POLQ: variants seen among roughly 807,000 people sequenced by gnomAD.
POLQ encodes the protein epididymis secretory sperm binding protein.
A neutral mutation model predicts 259.2 loss-of-function variants in POLQ; 233 were observed. The ratio of observed to expected loss-of-function variants is 0.90; its 90% CI spans 0.81 to 1.00. POLQ has a LOEUF of 1.00. POLQ is among the 50% of genes least tolerant of loss of function. POLQ has a pLI of 0.00. For missense variants in POLQ, 2,871 were observed against 3,051.6 expected (o/e 0.94, Z 1.39); for synonymous variants, 1,025 against 1,048.8 (o/e 0.98, Z 0.44).
At chr3:121,438,650 C>T (rs1028148641) in intron 27 of POLQ, among the ~76,000 whole-genome samples, 1 of 152,180 alleles carries the variant, frequency 6.6e-6, no homozygotes, top group Admixed American at 6.5e-5. Context: ...TAAACTTTAG[C>T]CTTCAAGAAT....
At position 121,543,302 on chromosome 3, in the gene POLQ, TG is replaced by T. The variant is rs543833146; in HGVS notation, c.343+1424del. Among the ~76,000 whole-genome samples the T allele has an allele frequency of 3.0e-3, 463 of 152,358 alleles. 4 individuals are homozygous for T. Among genetic ancestry groups the T allele is most frequent in the Non-Finnish European group, 2.2e-3 (148 of 68,036 alleles). ...TAGCATTTACAAGTATTTTATTTTT[TG>T]TAATGCCTTTTCACAATACAAGTAC... On this transcript the variant is annotated intron_variant, in intron 2 of 29. Coordinates refer to ENST00000264233, the MANE Select transcript of POLQ (RefSeq NM_199420.4).
intron 25 of POLQ, among the ~76,000 whole-genome samples, chr3:121,456,583 C>A (rs1194692026): frequency 2.6e-5 from 4 of 151,900 alleles, no homozygotes; most frequent in East Asian, 3.9e-4. Context: ...TTCTTATACA[C>A]CAATAACAGA....
At chr3:121,469,894 A>G (rs924197593) in intron 22 of POLQ, among the ~76,000 whole-genome samples, 4 of 152,228 alleles carry the variant, frequency 2.6e-5, no homozygotes, top group South Asian at 2.1e-4. Context: ...TCAGTAATAA[A>G]ATCAAAAGAA....
intron 6 of POLQ, among the ~76,000 whole-genome samples, chr3:121,532,114 T>C (rs1265653274): frequency 6.6e-6 from 1 of 152,186 alleles, no homozygotes; most frequent in Non-Finnish European, 1.5e-5. Context: ...CCAGATAATT[T>C]TTAAAAATCA....
rs1220232250 is a variant in POLQ, at chr3:121,512,016, T to C, written c.1482A>G (p.Leu494=). Residue 494 remains leucine (L), a synonymous_variant, in exon 10 of 30, where the codon TTA becomes TTG. Transcript: ENST00000264233. ...KGVDTVGESI[L]ICKNSEKSKG... ...TTGATTTCTCAGAGTTCTTACAAAT[T>C]AAGATACTCTCGCCTATAACCAAAA... 1 of 1,613,052 alleles carries C rather than the reference T, an allele frequency of 6.2e-7. No homozygotes were observed. The highest frequency in any genetic ancestry group is 8.5e-7 in the Non-Finnish European group (1 of 1,179,436).
chr3:121,485,426 G>A lies in POLQ; in HGVS notation c.5630-242C>T, dbSNP rs139699802. 6.4e-4 allele frequency among the ~76,000 whole-genome samples: 98 copies of A among 152,180 alleles called. No homozygotes were observed. The East Asian group carries it at 0.012, about 18-fold the overall frequency. On this transcript the variant is annotated intron_variant, in intron 16 of 29. Transcript: ENST00000264233. ...TTAAAATAAATCTATAATGATTAAC[G>A]TCAAGAAAGGGAGGCTGCATTTCAA...
In POLQ at chr3:121,489,078, A is replaced by T; in HGVS notation, c.3853T>A (p.Phe1285Ile). The T allele has an allele frequency of 6.2e-7, 1 of 1,613,606 alleles. No individual in the cohort carries two copies. The highest frequency in any genetic ancestry group is 8.5e-7 in the Non-Finnish European group (1 of 1,179,598). ...TCTTGTAGTCTAGAAATATTTAGAA[A>T]ATTCTCATGCTGGCCTTCTGATTTG... ...FSKSEGQHENFLNISRLQEKT... is the reference protein window; with the variant it reads ...FSKSEGQHENILNISRLQEKT... Residue 1285 changes from phenylalanine (F) to isoleucine (I), a missense_variant, in exon 16 of 30, where the codon TTT (phenylalanine) becomes ATT (isoleucine). Around this residue, in one of 3 missense-constraint regions of POLQ, gnomAD observed 2,080 missense variants for 2,126.0 expected, o/e 0.98. Transcript: ENST00000264233.
At position 121,537,116 on chromosome 3, in the gene POLQ, G is replaced by A. The variant is rs745345608; in HGVS notation, c.724C>T (p.Arg242Trp). The change falls in exon 5 of 30, where the codon CGG becomes TGG. Residue 242 changes from arginine (R) to tryptophan (W), a missense_variant. Transcript: ENST00000264233. ...CGTACTTACCAAGATGCTGATTTCC[G>A]AGTAATATAGCAAATCTTGGTCAGC... Reference protein sequence around the residue: ...LLLTKICYITRKSASCQADLA... With the variant: ...LLLTKICYITWKSASCQADLA... 1.6e-5 allele frequency: 24 copies of A among 1,543,530 alleles called. No individual in the cohort carries two copies. Among genetic ancestry groups the A allele is most frequent in the South Asian group, 4.5e-5 (4 of 89,502 alleles).
chr3:121,494,258 C>T, intron 14 of POLQ: 2 of 1,591,670 alleles, frequency 1.3e-6, no homozygotes, highest in Non-Finnish European at 1.7e-6. Flanking sequence ...CAAAAGAGAC[C>T]TCACCCGCTT....
chr3:121,537,923 G>A (rs776080390), intron 4 of POLQ, among the ~76,000 whole-genome samples: 8 of 152,160 alleles, frequency 5.3e-5, no homozygotes, highest in Non-Finnish European at 7.4e-5. Flanking sequence ...TCCTTATAAT[G>A]GGCAATTCTT....
intron 25 of POLQ, among the ~76,000 whole-genome samples, chr3:121,452,519 C>T (rs1335650951): frequency 2.2e-5 from 3 of 135,128 alleles, no homozygotes; most frequent in African/African-American, 8.4e-5. Context: ...ACTCATGTTG[C>T]TTAGTGCTGT....
intron 26 of POLQ, among the ~76,000 whole-genome samples, chr3:121,442,356 T>C (rs967908057): frequency 5.9e-5 from 9 of 152,208 alleles, no homozygotes; most frequent in African/African-American, 1.7e-4. Context: ...TTATTAACTA[T>C]AGTCACCCTG....
At position 121,436,216 on chromosome 3, in the gene POLQ, T is replaced by G. The variant is rs1349027084; in HGVS notation, c.7449A>C (p.Ile2483=). The change falls in exon 28 of 30, where the codon ATA becomes ATC. Residue 2483 remains isoleucine, a synonymous_variant. Transcript: ENST00000264233. ...ATTGCTTCTGAATGTTAACTGTGGCTATTTTGACAATATCAGCTGCTGATC... is the reference window on the plus strand; with the variant it reads ...ATTGCTTCTGAATGTTAACTGTGGCGATTTTGACAATATCAGCTGCTGATC... ...VQGSAADIVK[I]ATVNIQKQLE... 1 of 1,613,818 alleles carries G rather than the reference T, an allele frequency of 6.2e-7. No individual in the cohort carries two copies. The highest frequency in any genetic ancestry group is 1.7e-5 in the Admixed American group (1 of 60,008).
intron 19 of POLQ, among the ~76,000 whole-genome samples, chr3:121,479,202 A>ATCTAGCATGATATCTAGCATG (rs2047951527): frequency 6.6e-6 from 1 of 152,136 alleles, no homozygotes; most frequent in Non-Finnish European, 1.5e-5. Flanking sequence ...GAAATCTAAA[A>ATCTAGCATGATATCTAGCATG]ATATCTAGCA....
chr3:121,537,116 G>T lies in POLQ; in HGVS notation c.724C>A (p.Arg242=). 2 of 1,543,646 alleles carry T rather than the reference G, an allele frequency of 1.3e-6. No individual in the cohort carries two copies. The highest frequency in any genetic ancestry group is 1.8e-6 in the Non-Finnish European group (2 of 1,116,120). Residue 242 remains arginine, a synonymous_variant, in exon 5 of 30, where the codon CGG becomes AGG. Transcript: ENST00000264233. ...LLLTKICYIT[R]KSASCQADLA... The stretch of plus-strand genomic sequence containing the variant: ...CGTACTTACCAAGATGCTGATTTCC[G>T]AGTAATATAGCAAATCTTGGTCAGC...
At chr3:121,537,262 A>AT in intron 4 of POLQ, 54 bp from the exon 5 acceptor site, 1 of 966,910 alleles carries the variant, frequency 1.0e-6, no homozygotes, top group African/African-American at 1.6e-5. Context: ...TCCATGAAGA[A>AT]TTTTTTTCCA....
At chr3:121,511,861 T>G in intron 10 of POLQ, 26 bp downstream of exon 10, 1 of 1,569,704 alleles carries the variant, frequency 6.4e-7, no homozygotes, top group Non-Finnish European at 8.7e-7. Flanking sequence ...AAAGAGCAAA[T>G]GGTAATTTAG....
chr3:121,443,773 TAGAG>T (rs1042856843), intron 26 of POLQ, among the ~76,000 whole-genome samples: 4 of 152,172 alleles, frequency 2.6e-5, no homozygotes, highest in Non-Finnish European at 5.9e-5. Flanking sequence ...TTTGTATATA[TAGAG>T]AGATAGGGGT....
At chr3:121,502,463 C>A (rs544122851) in intron 12 of POLQ, among the ~76,000 whole-genome samples, 1 of 152,094 alleles carries the variant, frequency 6.6e-6, no homozygotes, top group South Asian at 2.1e-4. Flanking sequence ...CTCAGCCTAC[C>A]GAAGTGCTGA....
Sources: gnomAD v4.1 joint callset for allele counts (sites outside exome capture counted in the v4.1 genomes callset) on GRCh38, gnomAD v4.1.1 for gene constraint, gnomAD v4.1.1 regional missense constraint, MANE v1.5 for transcripts, NCBI Gene and HGNC (gene_info 2026-07-23, HGNC 2026-07-21) for gene names.